Variants in CALN1 observed in about 807,000 individuals in gnomAD.
CALN1 encodes the protein calneuron 1.
CALN1 carries 17 observed loss-of-function variants against 30.6 expected under a neutral mutation model. The observed-to-expected ratio is 0.56, with a 90% CI of 0.38 to 0.83. CALN1 has a LOEUF of 0.83. CALN1 is among the 40% of genes least tolerant of loss of function. The probability of loss-of-function intolerance (pLI) is 0.00; values close to 1 mark genes in which losing one functional copy is unlikely to be tolerated. For synonymous variants in CALN1, 156 were observed against 131.4 expected, an observed-to-expected ratio of 1.19 and a Z score of -1.28; for missense variants, 291 against 354.9, an observed-to-expected ratio of 0.82 and a Z score of 1.45.
intron 3 of CALN1, among the ~76,000 whole-genome samples, chr7:72,179,437 T>A: frequency 6.6e-6 from 1 of 152,160 alleles, no homozygotes; most frequent in Middle Eastern, 3.4e-3. Flanking sequence ...TAAACACTTA[T>A]GTCTGCATCG....
intron 3 of CALN1, among the ~76,000 whole-genome samples, chr7:72,245,478 G>A (rs1795098737): frequency 6.6e-6 from 1 of 151,564 alleles, no homozygotes; most frequent in South Asian, 2.1e-4. Context: ...AATTAGCCGG[G>A]CATGGTGGTG....
At position 72,444,394 on chromosome 7, in the gene CALN1, C is replaced by T. The variant is rs144381116; in HGVS notation, c.-226+2648G>A. Among the ~76,000 whole-genome samples, 161 of 152,270 alleles carry T rather than the reference C, an allele frequency of 1.1e-3. 1 individual carries two copies. The highest frequency in any genetic ancestry group is 2.0e-3 in the Non-Finnish European group (139 of 68,030). ...CCCAATTTATTACAGTCACGAGGCT[C>T]TTTGATCTAACTGGCTCAGCTGTAT... On this transcript the variant is annotated intron_variant, in intron 1 of 6. Coordinates refer to the CALN1 transcript ENST00000395276.
chr7:72,381,548 G>A (rs184422362), intron 2 of CALN1, among the ~76,000 whole-genome samples: 17 of 152,226 alleles, frequency 1.1e-4, no homozygotes, highest in East Asian at 1.9e-4. Context: ...TGAGTCCTTC[G>A]CAGGGGCATA....
At chr7:72,300,625 A>G (rs568136379) in intron 2 of CALN1, among the ~76,000 whole-genome samples, 11 of 152,204 alleles carry the variant, frequency 7.2e-5, no homozygotes, top group Non-Finnish European at 1.5e-4. Flanking sequence ...TATTACAATC[A>G]TGATATAGGG....
chr7:72,337,388 G>GT (rs1323812407), intron 2 of CALN1, among the ~76,000 whole-genome samples: 1 of 147,296 alleles, frequency 6.8e-6, no homozygotes, highest in Non-Finnish European at 1.5e-5. Context: ...GCAACCTGAG[G>GT]AACGCCTCGG....
chr7:72,169,489 A>ATTTATTTT (rs1788781183), intron 3 of CALN1, among the ~76,000 whole-genome samples: 1 of 86,746 alleles, frequency 1.2e-5, no homozygotes. Context: ...CCAGCTGATT[A>ATTTATTTT]TTTTTTTTTT....
intron 2 of CALN1, among the ~76,000 whole-genome samples, chr7:72,365,523 G>A (rs1803826156): frequency 6.6e-6 from 1 of 152,030 alleles, no homozygotes; most frequent in African/African-American, 2.4e-5. Context: ...TCAACCTCCT[G>A]GGCCCAAGCG....
intron 3 of CALN1, among the ~76,000 whole-genome samples, chr7:72,219,769 G>A (rs1043137482): frequency 6.6e-6 from 1 of 152,082 alleles, no homozygotes; most frequent in South Asian, 2.1e-4. Flanking sequence ...CAGCAGAATA[G>A]GAAACTGCAT....
intron 3 of CALN1, among the ~76,000 whole-genome samples, chr7:72,164,975 A>G (rs1389869319): frequency 6.6e-6 from 1 of 152,156 alleles, no homozygotes; most frequent in Non-Finnish European, 1.5e-5. Context: ...GATTACAGGC[A>G]TAAGCCACTG....
At chr7:72,471,641 C>T in the CALN1 span, among the ~76,000 whole-genome samples, 4 of 152,186 alleles carry the variant, frequency 2.6e-5, no homozygotes, top group Non-Finnish European at 5.9e-5. Flanking sequence ...TGCCTTCAGC[C>T]GCAAGGGTGA....
intron 2 of CALN1, among the ~76,000 whole-genome samples, chr7:72,362,461 G>A (rs969387377): frequency 3.3e-5 from 5 of 152,110 alleles, no homozygotes; most frequent in Non-Finnish European, 2.9e-5. Context: ...CACCCTAGGA[G>A]GGTGATCTTC....
intron 6 of CALN1, among the ~76,000 whole-genome samples, chr7:71,800,464 C>G (rs1361200352): frequency 6.6e-6 from 1 of 152,080 alleles, no homozygotes; most frequent in Admixed American, 6.6e-5. Flanking sequence ...TATTTATTCC[C>G]CAGTTGGTGA....
intron 3 of CALN1, among the ~76,000 whole-genome samples, chr7:72,195,530 C>T (rs1012851112): frequency 1.3e-5 from 2 of 152,138 alleles, no homozygotes; most frequent in Non-Finnish European, 2.9e-5. Context: ...CAGGTACTAA[C>T]ATTCCTGGCT....
intron 2 of CALN1, among the ~76,000 whole-genome samples, chr7:72,382,529 CTGAGGTT>C (rs1356254224): frequency 1.3e-5 from 2 of 152,078 alleles, no homozygotes; most frequent in Non-Finnish European, 2.9e-5. Flanking sequence ...TTGTGTAATG[CTGAGGTT>C]TGAGGTACAA....
chr7:72,309,844 G>A (rs1354554924), intron 2 of CALN1, among the ~76,000 whole-genome samples: 1 of 152,166 alleles, frequency 6.6e-6, no homozygotes, highest in African/African-American at 2.4e-5. Context: ...GGTCCAGGGA[G>A]ATTTGCTGAC....
At chr7:72,193,881 T>G (rs1790801362) in intron 3 of CALN1, among the ~76,000 whole-genome samples, 1 of 152,176 alleles carries the variant, frequency 6.6e-6, no homozygotes, top group Non-Finnish European at 1.5e-5. Flanking sequence ...ACATTGTATC[T>G]TCTCACTCGT....
chr7:72,353,018 C>A (rs1803019252), intron 2 of CALN1, among the ~76,000 whole-genome samples: 1 of 152,038 alleles, frequency 6.6e-6, no homozygotes, highest in Non-Finnish European at 1.5e-5. Flanking sequence ...TTAAGAAACA[C>A]AAATTACCAA....
chr7:72,055,253 C>T (rs749038067), intron 4 of CALN1, among the ~76,000 whole-genome samples: 14 of 152,086 alleles, frequency 9.2e-5, no homozygotes, highest in African/African-American at 2.7e-4. Context: ...CAGGGTGAGG[C>T]GGGGGTTCTG....
intron 3 of CALN1, among the ~76,000 whole-genome samples, chr7:72,264,570 T>G (rs1191454565): frequency 6.6e-6 from 1 of 152,008 alleles, no homozygotes; most frequent in Non-Finnish European, 1.5e-5. Context: ...CATAGCTCAT[T>G]GCATCCTGGA....
Sources: allele counts gnomAD v4.1 joint callset (sites outside exome capture counted in the v4.1 genomes callset), GRCh38; gene constraint gnomAD v4.1.1; transcripts MANE v1.5; gene names NCBI Gene and HGNC (gene_info 2026-07-23, HGNC 2026-07-21).